Variants in B9D1 observed in about 807,000 individuals in gnomAD.
B9D1 encodes B9 domain containing 1, also known as B9 domain-containing protein 1.
B9D1 carries 20 observed loss-of-function variants against 26.1 expected under a neutral mutation model. The ratio of observed to expected loss-of-function variants is 0.77; its 90% confidence interval spans 0.54 to 1.12. B9D1 has a LOEUF of 1.12. B9D1 is among the 50% of genes most tolerant of loss of function. The probability of loss-of-function intolerance (pLI) is 0.00; values close to 1 mark genes in which losing one functional copy is unlikely to be tolerated. For synonymous variants in B9D1, 105 were observed against 103.1 expected, an observed-to-expected ratio of 1.02 and a Z score of -0.11; for missense variants, 260 against 273.7, an observed-to-expected ratio of 0.95 and a Z score of 0.35.
chr17:19,374,100 C>G lies in B9D1; in HGVS notation c.-298+3759G>C, dbSNP rs183701807. ...GTCTTTGTTCCCACAAAAAGATATA[C>G]TTGGTCTTTCTTTTCCTGAAACACA... is the stretch of plus-strand genomic sequence containing the variant. On this transcript the variant is annotated intron_variant, in intron 1 of 5. Transcript: ENST00000477478. 1.6e-3 allele frequency among the ~76,000 whole-genome samples: 248 copies of G among 152,294 alleles called. 1 individual carries two copies. Among genetic ancestry groups the G allele is most frequent in the Non-Finnish European group, 2.6e-3 (177 of 68,024 alleles).
intron 3 of B9D1, among the ~76,000 whole-genome samples, chr17:19,350,047 G>T (rs1598063386): frequency 6.6e-6 from 1 of 152,096 alleles, no homozygotes; most frequent in Non-Finnish European, 1.5e-5. Flanking sequence ...GGGAGGCGGA[G>T]CTTGCAGTGA....
downstream of B9D1, chr17:19,336,648 G>C (rs1907471735): frequency 6.6e-6 from 1 of 152,638 alleles, no homozygotes; most frequent in Non-Finnish European, 1.5e-5. Context: ...CCGGTGGCTG[G>C]TTTTGAACTT....
rs1042570913 is a variant in B9D1, at chr17:19,370,482, G to A, written c.-298+7377C>T. Among the ~76,000 whole-genome samples, 1 of 152,204 alleles carries A rather than the reference G, an allele frequency of 6.6e-6. No homozygotes were observed. Among genetic ancestry groups the A allele is most frequent in the African/African-American group, 2.4e-5 (1 of 41,444 alleles). ...TCCCTCACAGACTTGGGATCTTTCTGGGAGGCAAACACAGGCCTTGGGGAA... is the reference window on the plus strand; with the variant it reads ...TCCCTCACAGACTTGGGATCTTTCTAGGAGGCAAACACAGGCCTTGGGGAA... On this transcript the variant is annotated intron_variant, in intron 1 of 5. Transcript: ENST00000477478. This position sits in a 1 kb window ranked among gnomAD's most constrained non-coding sequence, Gnocchi z 5.1.
rs527654101 is a variant in B9D1, at chr17:19,372,793, G to A, written c.-298+5066C>T. Among the ~76,000 whole-genome samples, 11 of 152,338 alleles carry A rather than the reference G, an allele frequency of 7.2e-5. No homozygotes were observed. The highest frequency in any genetic ancestry group is 2.6e-4 in the African/African-American group (11 of 41,574). On this transcript the variant is annotated intron_variant, in intron 1 of 5. Coordinates refer to the B9D1 transcript ENST00000477478. This position sits in a 1 kb window ranked among gnomAD's most constrained non-coding sequence, Gnocchi z 4.4. ...GCCTTCGTAAAACTTAAGAGCATGG[G>A]ATTGGAAGGGAGGCAGTAACATCAG...
chr17:19,375,659 T>C (rs960635197), intron 1 of B9D1, among the ~76,000 whole-genome samples: 1 of 152,146 alleles, frequency 6.6e-6, no homozygotes, highest in Non-Finnish European at 1.5e-5. Context: ...GAAGAATTGC[T>C]TGAACCTGGG....
At chr17:19,375,334 A>C (rs1224381078) in intron 1 of B9D1, among the ~76,000 whole-genome samples, 2 of 152,184 alleles carry the variant, frequency 1.3e-5, no homozygotes, top group African/African-American at 4.8e-5. Context: ...GATATTGAAC[A>C]GACATTTCCC....
Position 19,370,363 on chromosome 17 carries a change from C to T in B9D1, c.-298+7496G>A, listed in dbSNP as rs926628551. The stretch of plus-strand genomic sequence containing the variant: ...TCAGAGGAGATGGCCCCTGGCTGAG[C>T]CTGGAGATACCACCATTCCAGAGAA... On this transcript the variant is annotated intron_variant, in intron 1 of 5. Coordinates refer to the B9D1 transcript ENST00000477478. This position sits in a 1 kb window ranked among gnomAD's most constrained non-coding sequence, Gnocchi z 5.1. 1.1e-4 allele frequency among the ~76,000 whole-genome samples: 17 copies of T among 152,186 alleles called. No homozygotes were observed. Among genetic ancestry groups the T allele is most frequent in the Admixed American group, 9.8e-4 (15 of 15,282 alleles).
At chr17:19,361,438 G>A (rs1911050367) in intron 1 of B9D1, among the ~76,000 whole-genome samples, 1 of 152,118 alleles carries the variant, frequency 6.6e-6, no homozygotes, top group Non-Finnish European at 1.5e-5. Context: ...CTGAGGCCCT[G>A]AAAAGAGGGA....
intron 1 of B9D1, among the ~76,000 whole-genome samples, chr17:19,369,917 C>A (rs1413614863): frequency 2.0e-5 from 3 of 152,300 alleles, no homozygotes; most frequent in East Asian, 3.9e-4. Flanking sequence ...TAGTGCCCCG[C>A]CAAACATGGC....
At chr17:19,341,010 G>A (rs1210173038), downstream of B9D1, 22 of 579,066 alleles carry the variant, frequency 3.8e-5, no homozygotes, top group East Asian at 1.3e-4. Flanking sequence ...ATACAAGTAC[G>A]GAACAGGAAA....
rs1911956142 is a variant in B9D1 at position 19,372,835 on chromosome 17, T to C, written c.-298+5024A>G. Among the ~76,000 whole-genome samples, 1 of 152,216 alleles carries C rather than the reference T, an allele frequency of 6.6e-6. No homozygotes were observed. Among genetic ancestry groups the C allele is most frequent in the Non-Finnish European group, 1.5e-5 (1 of 68,028 alleles). Reference sequence around the variant, plus strand: ...TAACATCAGCAGAGCGGCACCCTGCTCGGACAATTCACCTGCGCTCCTCAA... The same window carrying C: ...TAACATCAGCAGAGCGGCACCCTGCCCGGACAATTCACCTGCGCTCCTCAA... On this transcript the variant is annotated intron_variant, in intron 1 of 5. Transcript: ENST00000477478. This position sits in a 1 kb window ranked among gnomAD's most constrained non-coding sequence, Gnocchi z 4.4.
At chr17:19,368,010 G>A (rs1911687252) in intron 1 of B9D1, among the ~76,000 whole-genome samples, 1 of 152,200 alleles carries the variant, frequency 6.6e-6, no homozygotes, top group African/African-American at 2.4e-5. Context: ...GGGTAGGGCT[G>A]GGCCCTCGGG....
In B9D1 at chr17:19,362,593, G is replaced by A. The variant is rs374581463; in HGVS notation, c.-24C>T. The A allele has an allele frequency of 3.7e-5, 59 of 1,583,628 alleles. No individual in the cohort carries two copies. The highest frequency in any genetic ancestry group is 1.7e-4 in the Middle Eastern group (1 of 6,006). On this transcript the variant is annotated 5_prime_UTR_variant, in exon 1 of 7. Coordinates refer to ENST00000261499, the MANE Select transcript of B9D1 (RefSeq NM_015681.6). ...ATGGCAGGTCTGGGGGTGCCGGGGG[G>A]ACCCACCTAGGCCGCGCGCGGTTGC...
upstream of B9D1, among the ~76,000 whole-genome samples, chr17:19,365,985 G>A (rs1222509286): frequency 6.6e-6 from 1 of 151,532 alleles, no homozygotes; most frequent in Non-Finnish European, 1.5e-5. The surrounding 1 kb of genome is among the most constrained non-coding windows in gnomAD (Gnocchi z 5.0). Context: ...CTTCTACCTA[G>A]CTCATCATCT....
chr17:19,338,096 A>G (rs985295359), downstream of B9D1, among the ~76,000 whole-genome samples: 12 of 152,354 alleles, frequency 7.9e-5, no homozygotes, highest in Non-Finnish European at 1.2e-4. Context: ...AGAAAGACCT[A>G]TGATCTGTGC....
intron 3 of B9D1, among the ~76,000 whole-genome samples, chr17:19,353,482 C>CA (rs1446727872): frequency 4.0e-5 from 6 of 150,024 alleles, no homozygotes; most frequent in East Asian, 2.0e-4. Context: ...AATAAAAACA[C>CA]AAAAAAAATC....
chr17:19,367,397 T>C (rs1911657044), upstream of B9D1, among the ~76,000 whole-genome samples: 1 of 150,250 alleles, frequency 6.7e-6, no homozygotes, highest in Non-Finnish European at 1.5e-5. Context: ...CTGCAACCTC[T>C]GCCTCCTGGG....
chr17:19,343,166 G>C (rs1598044504), downstream of B9D1: 1 of 1,459,722 alleles, frequency 6.9e-7, no homozygotes, highest in East Asian at 2.5e-5. Context: ...GGCAGCCCCA[G>C]GCCTAGGCTC....
At chr17:19,376,048 C>A in intron 1 of B9D1, among the ~76,000 whole-genome samples, 1 of 152,076 alleles carries the variant, frequency 6.6e-6, no homozygotes, top group Admixed American at 6.5e-5. Context: ...TATATTTGGC[C>A]ATAAAAATTA....
Sources: allele counts gnomAD v4.1 joint callset (sites outside exome capture counted in the v4.1 genomes callset), GRCh38; gene constraint gnomAD v4.1.1; non-coding constraint Gnocchi (gnomAD v3.1); transcripts MANE v1.5; gene names NCBI Gene and HGNC (gene_info 2026-07-23, HGNC 2026-07-21).